Variants in MYH15 observed in about 807,000 individuals in gnomAD.
MYH15 encodes myosin heavy chain 15, also known as myosin-15.
MYH15 carries 227 observed loss-of-function variants against 240.5 expected under a neutral mutation model. That is an observed-to-expected ratio of 0.94 (90% CI 0.85 to 1.05). The LOEUF is 1.05. Ranked by LOEUF, MYH15 falls within the 50% of genes least tolerant of loss-of-function variation. The probability of loss-of-function intolerance (pLI) is 0.00; values close to 1 mark genes in which losing one functional copy is unlikely to be tolerated. For synonymous variants in MYH15, 785 were observed against 796.7 expected, an observed-to-expected ratio of 0.99 and a Z score of 0.25; for missense variants, 2,217 against 2,247.5, an observed-to-expected ratio of 0.99 and a Z score of 0.27.
chr3:108,397,053 G>A (rs2082467348), intron 35 of MYH15, among the ~76,000 whole-genome samples: 1 of 152,170 alleles, frequency 6.6e-6, no homozygotes, highest in Admixed American at 6.5e-5. Flanking sequence ...GCCCCAGAGT[G>A]TAGCAGTTCT....
upstream of MYH15, among the ~76,000 whole-genome samples, chr3:108,530,278 AT>A (rs1271978451): frequency 1.3e-5 from 2 of 152,236 alleles, no homozygotes; most frequent in Non-Finnish European, 2.9e-5. Context: ...ATACAAATAT[AT>A]CTACCACCTA....
At chr3:108,535,820 C>T in the MYH15 span, among the ~76,000 whole-genome samples, 2 of 152,144 alleles carry the variant, frequency 1.3e-5, no homozygotes, top group African/African-American at 4.8e-5. Context: ...ACAAAACAAA[C>T]AAAAACCACA....
At chr3:108,538,264 A>C in the MYH15 span, among the ~76,000 whole-genome samples, 1 of 152,210 alleles carries the variant, frequency 6.6e-6, no homozygotes, top group Admixed American at 6.5e-5. Context: ...TTCCAGTTTA[A>C]GGAAATCTTT....
intron 24 of MYH15, among the ~76,000 whole-genome samples, chr3:108,438,552 G>T (rs1322947099): frequency 6.6e-6 from 1 of 152,194 alleles, no homozygotes; most frequent in East Asian, 1.9e-4. Context: ...GTATGATGGT[G>T]TTGGGAGGTG....
rs1326824931 is a variant in MYH15 at position 108,416,916 on chromosome 3, TC to T, written c.3843del (p.Arg1282GlyfsTer8). The T allele has an allele frequency of 6.2e-7, 1 of 1,613,108 alleles. No individual in the cohort carries two copies. The highest frequency in any genetic ancestry group is 1.7e-5 in the Admixed American group (1 of 59,940). On this transcript the variant is annotated frameshift_variant, in exon 29 of 41. Transcript: ENST00000693548. LOFTEE classifies it high-confidence loss of function. ...KLWSESGEFL[R>X]RLEEKEALIN... ...ATCAGAGCCTCCTTCTCTTCAAGCC[TC>T]CGTAGGAACTCGCCTACAGAAAGAT... is the stretch of plus-strand genomic sequence containing the variant.
At chr3:108,383,814 G>T in intron 39 of MYH15, 85 bp from the exon 40 acceptor site, 1 of 1,076,184 alleles carries the variant, frequency 9.3e-7, no homozygotes, top group South Asian at 1.9e-5. Flanking sequence ...TGAGAAAGTT[G>T]AATAATGTGA....
At chr3:108,442,592 T>C (rs1354143576) in intron 22 of MYH15, among the ~76,000 whole-genome samples, 1 of 152,094 alleles carries the variant, frequency 6.6e-6, no homozygotes, top group Non-Finnish European at 1.5e-5. Flanking sequence ...TCGACCATCA[T>C]TGATCTCTTC....
rs926256671 is a variant in MYH15, at chr3:108,410,057, C to T, written c.4495+526G>A. Among the ~76,000 whole-genome samples the T allele has an allele frequency of 1.0e-4, 12 of 115,412 alleles. No homozygotes were observed. In the South Asian group the frequency reaches 1.4e-3, roughly 14 times the overall value. The allele number at this position is 115,412 out of a possible 152,430, so 75.7% of individuals were successfully genotyped here. ...TGGCTGGGCTCAAATCCCAGATCTGCGACTTATCAAATGTGAATTTGAACA... is the reference window on the plus strand; with the variant it reads ...TGGCTGGGCTCAAATCCCAGATCTGTGACTTATCAAATGTGAATTTGAACA... On this transcript the variant is annotated intron_variant, in intron 31 of 40. Coordinates refer to ENST00000693548, the MANE Select transcript of MYH15 (RefSeq NM_014981.3).
upstream of MYH15, among the ~76,000 whole-genome samples, chr3:108,514,462 T>C (rs1050256905): frequency 3.9e-5 from 6 of 152,218 alleles, no homozygotes; most frequent in Non-Finnish European, 8.8e-5. Flanking sequence ...TCATGCAATA[T>C]ATATGTATTG....
At chr3:108,521,905 G>T (rs2083621492) in intron 1 of MYH15, among the ~76,000 whole-genome samples, 1 of 152,134 alleles carries the variant, frequency 6.6e-6, no homozygotes, top group South Asian at 2.1e-4. Flanking sequence ...GAGTAAAAGG[G>T]TGTGGTATTG....
intron 1 of MYH15, among the ~76,000 whole-genome samples, 182 bp from the exon 2 acceptor site, chr3:108,506,011 T>C (rs1456266708): frequency 6.6e-6 from 1 of 152,096 alleles, no homozygotes; most frequent in African/African-American, 2.4e-5. Context: ...ACTCACATAA[T>C]GGCACTACAG....
Position 108,389,073 on chromosome 3 carries a change from A to G in MYH15, c.5432T>C (p.Val1811Ala). 2.5e-6 allele frequency: 4 copies of G among 1,613,796 alleles called. No individual in the cohort carries two copies. The highest frequency in any genetic ancestry group is 3.4e-6 in the Non-Finnish European group (4 of 1,179,814). The change falls in exon 38 of 41, where the codon GTT becomes GCT. Residue 1811 changes from valine (V) to alanine (A), a missense_variant and splice_region_variant. By Grantham distance (64) the Val-to-Ala change is moderately conservative. Transcript: ENST00000693548. ...CTCCAGTTCACCTTCCAGTTCACGA[A>G]CCTGCAACCAAAACGTGACCTCAGA... is the stretch of plus-strand genomic sequence containing the variant. ...RKQIQKLESR[V>A]RELEGELEGE...
At chr3:108,446,212 A>T (rs1262135924) in intron 21 of MYH15, among the ~76,000 whole-genome samples, 1 of 152,164 alleles carries the variant, frequency 6.6e-6, no homozygotes, top group African/African-American at 2.4e-5. Context: ...TGGCCCCAGG[A>T]TCCAGACATA....
At chr3:108,422,870 CTCTGGAAAACT>C (rs1246961476) in intron 27 of MYH15, among the ~76,000 whole-genome samples, 2 of 152,150 alleles carry the variant, frequency 1.3e-5, no homozygotes, top group East Asian at 1.9e-4. Context: ...AGGTTTAGTC[CTCTGGAAAACT>C]TCTGTATCAG....
At chr3:108,381,609 CA>C in intron 40 of MYH15, 50 bp from the exon 41 acceptor site, 2 of 1,601,254 alleles carry the variant, frequency 1.2e-6, no homozygotes, top group Non-Finnish European at 1.7e-6. Flanking sequence ...TGATTTTCAC[CA>C]GTGGAACACA....
intron 9 of MYH15, among the ~76,000 whole-genome samples, chr3:108,487,608 T>TA (rs962961405): frequency 2.6e-5 from 4 of 152,166 alleles, no homozygotes; most frequent in Non-Finnish European, 5.9e-5. Flanking sequence ...TATTAGTGGT[T>TA]ACTTAGGGAC....
At chr3:108,444,577 C>T (rs1203759774) in intron 22 of MYH15, 63 bp downstream of exon 22, 5 of 1,565,418 alleles carry the variant, frequency 3.2e-6, no homozygotes, top group Non-Finnish European at 4.3e-6. Flanking sequence ...GTCAACACTG[C>T]CTGCTTAACA....
At chr3:108,438,107 G>A (rs535912911) in intron 24 of MYH15, among the ~76,000 whole-genome samples, 100 of 152,296 alleles carry the variant, frequency 6.6e-4, no homozygotes, top group African/African-American at 2.2e-3. Flanking sequence ...CTATCCACAA[G>A]TACAAGCTCT....
chr3:108,447,761 C>A (rs1156307192), intron 21 of MYH15, among the ~76,000 whole-genome samples: 4 of 152,062 alleles, frequency 2.6e-5, no homozygotes, highest in Admixed American at 6.5e-5. Flanking sequence ...TGCTAACTAA[C>A]CACACAAAAA....
Sources: allele counts gnomAD v4.1 joint callset (sites outside exome capture counted in the v4.1 genomes callset), GRCh38; gene constraint gnomAD v4.1.1; transcripts MANE v1.5; gene names NCBI Gene and HGNC (gene_info 2026-07-23, HGNC 2026-07-21).